CCDC141: variants seen among roughly 807,000 people sequenced by gnomAD.
The protein encoded by CCDC141 is coiled-coil domain-containing protein 141.
A neutral mutation model predicts 181.0 loss-of-function variants in CCDC141; 168 were observed. The observed-to-expected ratio is 0.93, with a 90% CI of 0.82 to 1.05. The LOEUF is 1.05. Among genes scored for constraint, CCDC141 ranks in the 50% least tolerant of loss-of-function variants. The probability of loss-of-function intolerance (pLI) is 0.00; values close to 1 mark genes in which losing one functional copy is unlikely to be tolerated. For synonymous variants in CCDC141, 666 were observed against 642.3 expected (o/e 1.04, Z -0.56); for missense variants, 1,902 against 1,788.5 (o/e 1.06, Z -1.14).
rs917154909 is a variant in CCDC141, at chr2:178,888,641, C to G, written c.1293G>C (p.Met431Ile). 99 of 1,550,654 alleles carry G rather than the reference C, an allele frequency of 6.4e-5. No individual in the cohort carries two copies. The highest frequency in any genetic ancestry group is 8.3e-5 in the Non-Finnish European group (95 of 1,146,880). ...CSSQVSGIHE[M>I]MGCIKRRVDH... is the part of the protein sequence containing the mutation. ...CCACTCGTCTCTTAATGCACCCCAT[C>G]ATCTCATGGATGCCGGACACCTGAG... is the stretch of plus-strand genomic sequence containing the variant. Residue 431 changes from methionine to isoleucine, a missense_variant, in exon 9 of 24, where the codon ATG (methionine) becomes ATC (isoleucine). Coordinates refer to ENST00000443758, the MANE Select transcript of CCDC141 (RefSeq NM_173648.4).
At chr2:178,823,025 G>T in the CCDC141 span, among the ~76,000 whole-genome samples, 1,840 of 152,258 alleles carry the variant, frequency 0.012, 44 homozygotes, top group African/African-American at 0.041. Context: ...CATATGAAAA[G>T]GAATATAGCA....
intron 2 of CCDC141, among the ~76,000 whole-genome samples, chr2:179,015,929 A>AT (rs1491392979): frequency 6.4e-5 from 8 of 124,788 alleles, no homozygotes; most frequent in Non-Finnish European, 1.4e-4. Context: ...TATATCATAT[A>AT]ATTTCATATA....
At chr2:178,900,612 T>C (rs1687639394) in intron 8 of CCDC141, among the ~76,000 whole-genome samples, 1 of 152,110 alleles carries the variant, frequency 6.6e-6, no homozygotes, top group Non-Finnish European at 1.5e-5. Context: ...CTAAAAATAG[T>C]CAATAGAACC....
chr2:179,025,102 T>C (rs2042796789), intron 2 of CCDC141, among the ~76,000 whole-genome samples: 1 of 152,114 alleles, frequency 6.6e-6, no homozygotes, highest in East Asian at 1.9e-4. Flanking sequence ...TTTCTTTTTC[T>C]TTTCTTTTTT....
At chr2:178,975,233 C>A in intron 3 of CCDC141, 68 bp from the exon 4 acceptor site, 1 of 783,672 alleles carries the variant, frequency 1.3e-6, no homozygotes, top group Non-Finnish European at 2.0e-6. Flanking sequence ...TTGTTAGTTA[C>A]CTGGAGATGT....
rs116336765 is a variant in CCDC141 at position 178,841,003 on chromosome 2, T to C, written c.3475-3259A>G. Among the ~76,000 whole-genome samples, 814 of 152,252 alleles carry C rather than the reference T, an allele frequency of 5.3e-3. 10 individuals are homozygous for C. Among genetic ancestry groups the C allele is most frequent in the African/African-American group, 0.019 (785 of 41,546 alleles). On this transcript the variant is annotated intron_variant, in intron 22 of 23. Transcript: ENST00000443758. ...AGATGGTAAGTAATCAGTGGAATCA[T>C]CATCTTCTTGACTTATATGATATGT...
Position 179,046,417 on chromosome 2 carries a change from A to T in CCDC141, c.225+867T>A, listed in dbSNP as rs146781367. Among the ~76,000 whole-genome samples, 670 of 152,368 alleles carry T rather than the reference A, an allele frequency of 4.4e-3. 5 individuals carry two copies. The highest frequency in any genetic ancestry group is 0.015 in the African/African-American group (642 of 41,592). On this transcript the variant is annotated intron_variant, in intron 2 of 23. Coordinates refer to ENST00000443758, the MANE Select transcript of CCDC141 (RefSeq NM_173648.4). ...AGACATGTGGTCCTATCTCCTGGAT[A>T]TAAGTCGGCTGTCCTGTCTGCTCCG...
At chr2:178,940,232 G>C (rs1575242875) in intron 6 of CCDC141, among the ~76,000 whole-genome samples, 1 of 92,198 alleles carries the variant, frequency 1.1e-5, no homozygotes. Flanking sequence ...ATAAAGAAAT[G>C]GGGGGAGGCA....
chr2:178,980,372 C>T (rs924654024), intron 2 of CCDC141, among the ~76,000 whole-genome samples: 7 of 152,070 alleles, frequency 4.6e-5, no homozygotes, highest in Admixed American at 4.6e-4. Context: ...ATGGCATGAA[C>T]CCAGGAGGTG....
At chr2:178,945,015 T>C (rs950774441) in intron 5 of CCDC141, among the ~76,000 whole-genome samples, 12 of 152,148 alleles carry the variant, frequency 7.9e-5, no homozygotes, top group African/African-American at 2.9e-4. Flanking sequence ...AATCTAAGTA[T>C]AGTTACGTAA....
At chr2:178,895,760 C>T (rs1687377423) in intron 8 of CCDC141, among the ~76,000 whole-genome samples, 2 of 152,162 alleles carry the variant, frequency 1.3e-5, no homozygotes, top group South Asian at 4.1e-4. Flanking sequence ...CATCTAAATG[C>T]ATCATCAAAG....
chr2:178,901,194 C>T (rs1481089228), intron 8 of CCDC141, among the ~76,000 whole-genome samples: 1 of 152,140 alleles, frequency 6.6e-6, no homozygotes, highest in Non-Finnish European at 1.5e-5. Flanking sequence ...GGAGCTGGTA[C>T]AATTCCTTCT....
intron 22 of CCDC141, among the ~76,000 whole-genome samples, chr2:178,844,818 C>T (rs1684867921): frequency 6.6e-6 from 1 of 152,150 alleles, no homozygotes; most frequent in South Asian, 2.1e-4. Context: ...GAGCACGGTT[C>T]AGAATAATGT....
chr2:178,835,598 T>C (rs1684444080), intron 23 of CCDC141, among the ~76,000 whole-genome samples: 1 of 152,202 alleles, frequency 6.6e-6, no homozygotes, highest in African/African-American at 2.4e-5. Context: ...CAGTTATTAA[T>C]TGAGCACAGT....
At chr2:179,038,965 T>C (rs1403227221) in intron 2 of CCDC141, among the ~76,000 whole-genome samples, 1 of 152,172 alleles carries the variant, frequency 6.6e-6, no homozygotes, top group East Asian at 1.9e-4. Context: ...ATTTCCAACC[T>C]TTTTTCCTCC....
At chr2:178,979,585 T>A (rs1575295153) in intron 2 of CCDC141, among the ~76,000 whole-genome samples, 1 of 152,274 alleles carries the variant, frequency 6.6e-6, no homozygotes, top group South Asian at 2.1e-4. Flanking sequence ...CCAATTTGTG[T>A]TTGCTAGAGT....
At chr2:179,045,340 A>T (rs917846510) in intron 2 of CCDC141, among the ~76,000 whole-genome samples, 36 of 139,192 alleles carry the variant, frequency 2.6e-4, no homozygotes, top group Admixed American at 1.5e-3. Flanking sequence ...AAGGACATGA[A>T]CTCATCATTT....
At chr2:178,923,167 G>A (rs561719710) in intron 6 of CCDC141, among the ~76,000 whole-genome samples, 1 of 148,338 alleles carries the variant, frequency 6.7e-6, no homozygotes, top group Non-Finnish European at 1.5e-5. Flanking sequence ...TGCAGTGGCG[G>A]GATCTCGGCT....
rs1212511584 is a variant in CCDC141 at position 178,918,911 on chromosome 2, C to T, written c.898-4G>A. The T allele has an allele frequency of 9.0e-6, 14 of 1,549,292 alleles. No homozygotes were observed. The highest frequency in any genetic ancestry group is 1.1e-5 in the Non-Finnish European group (13 of 1,146,226). On this transcript the variant is annotated splice_polypyrimidine_tract_variant and splice_region_variant and intron_variant, in intron 6 of 23. Coordinates refer to ENST00000443758, the MANE Select transcript of CCDC141 (RefSeq NM_173648.4). The stretch of plus-strand genomic sequence containing the variant: ...TCTCAACAGCAGAATTCCATTCCTG[C>T]AAGAGATTATTCTTATTATTTTATA...
Sources: allele counts gnomAD v4.1 joint callset (sites outside exome capture counted in the v4.1 genomes callset), GRCh38; gene constraint gnomAD v4.1.1; transcripts MANE v1.5; gene names NCBI Gene and HGNC (gene_info 2026-07-23, HGNC 2026-07-21).